The following TACR3 variants were observed in gnomAD, a reference collection of about 807,000 sequenced individuals.
TACR3 encodes the protein tachykinin receptor 3, also known as neuromedin-K receptor.
Under a neutral mutation model 35.0 loss-of-function variants are expected in TACR3, and 34 were observed. The ratio of observed to expected loss-of-function variants is 0.97; its 90% CI spans 0.74 to 1.30. The LOEUF (loss-of-function observed/expected upper bound fraction) is 1.30. TACR3 is among the 50% of genes most tolerant of loss of function. The probability of loss-of-function intolerance (pLI) is 0.00; values close to 1 mark genes in which losing one functional copy is unlikely to be tolerated. For synonymous variants in TACR3, 233 were observed against 221.1 expected (o/e 1.05, Z -0.48); for missense variants, 558 against 591.7 (o/e 0.94, Z 0.59).
At chr4:103,613,915 CAGAA>C (rs1560807002) in intron 3 of TACR3, among the ~76,000 whole-genome samples, 1 of 151,706 alleles carries the variant, frequency 6.6e-6, no homozygotes, top group Non-Finnish European at 1.5e-5. Flanking sequence ...GAGGCAGAGA[CAGAA>C]AGAGAATGAA....
At chr4:103,662,826 C>A (rs1356992962) in intron 1 of TACR3, among the ~76,000 whole-genome samples, 2 of 152,090 alleles carry the variant, frequency 1.3e-5, no homozygotes, top group African/African-American at 4.8e-5. Flanking sequence ...AGGAAAGAGT[C>A]CCCTACAGGT....
rs187096150 is a variant in TACR3, at chr4:103,677,187, A to T, written c.549-18784T>A. Among the ~76,000 whole-genome samples, 384 of 152,332 alleles carry T rather than the reference A, an allele frequency of 2.5e-3. 3 individuals are homozygous for T. The highest frequency in any genetic ancestry group is 8.9e-3 in the African/African-American group (368 of 41,580). ...CCGTCTCACACCAGTCAGAATGTCT[A>T]TTATTAAAAAGTCAAAAAGCAACAG... On this transcript the variant is annotated intron_variant, in intron 1 of 4. Coordinates refer to ENST00000304883, the MANE Select transcript of TACR3 (RefSeq NM_001059.3).
chr4:103,602,537 T>C (rs1724233974), intron 3 of TACR3, among the ~76,000 whole-genome samples: 1 of 152,120 alleles, frequency 6.6e-6, no homozygotes, highest in South Asian at 2.1e-4. Flanking sequence ...CTTTGATCTT[T>C]GATGATGGTG....
chr4:103,637,141 A>G (rs1725212545), intron 3 of TACR3, among the ~76,000 whole-genome samples: 1 of 152,172 alleles, frequency 6.6e-6, no homozygotes, highest in African/African-American at 2.4e-5. Context: ...ACCAAAAAAG[A>G]GAATTTTAGA....
At chr4:103,701,185 G>A (rs1164442936) in intron 1 of TACR3, among the ~76,000 whole-genome samples, 3 of 151,150 alleles carry the variant, frequency 2.0e-5, no homozygotes, top group African/African-American at 4.9e-5. Context: ...CAAGCTGATA[G>A]GCAACTTCAG....
At chr4:103,689,505 T>A (rs74285064) in intron 1 of TACR3, among the ~76,000 whole-genome samples, 23,086 of 151,976 alleles carry the variant, frequency 0.15, 2,280 homozygotes, top group East Asian at 0.43. Context: ...AAAGAATTAC[T>A]TGGAAATTCT....
chr4:103,595,293 G>T (rs1425232842), intron 3 of TACR3, among the ~76,000 whole-genome samples: 1 of 152,218 alleles, frequency 6.6e-6, no homozygotes, highest in Non-Finnish European at 1.5e-5. Flanking sequence ...GACAGAGAAG[G>T]TTCAAATCTC....
At chr4:103,694,545 T>A (rs144338901) in intron 1 of TACR3, among the ~76,000 whole-genome samples, 115 of 152,268 alleles carry the variant, frequency 7.6e-4, no homozygotes, top group African/African-American at 2.7e-3. Context: ...AATGGTTTCT[T>A]TAAGGCACTA....
chr4:103,709,679 G>A (rs1193498632), intron 1 of TACR3, among the ~76,000 whole-genome samples: 1 of 152,032 alleles, frequency 6.6e-6, no homozygotes, highest in South Asian at 2.1e-4. Context: ...ATGTAAATAG[G>A]CTAAATGCTC....
intron 1 of TACR3, among the ~76,000 whole-genome samples, chr4:103,691,882 A>G (rs1722411124): frequency 6.6e-6 from 1 of 152,192 alleles, no homozygotes; most frequent in South Asian, 2.1e-4. Flanking sequence ...GACAGTTTTA[A>G]TTAATTGAAT....
At chr4:103,597,356 T>C (rs1202780714) in intron 3 of TACR3, among the ~76,000 whole-genome samples, 3 of 152,158 alleles carry the variant, frequency 2.0e-5, no homozygotes, top group African/African-American at 7.2e-5. Flanking sequence ...TGGTACAAGA[T>C]TGATTCTTTC....
chr4:103,617,246 A>AAGTT (rs146915025), intron 3 of TACR3, among the ~76,000 whole-genome samples: 40,809 of 151,862 alleles, frequency 0.27, 5,883 homozygotes, highest in Non-Finnish European at 0.3. Flanking sequence ...TCTACAGAAA[A>AAGTT]AGTTAGTTAT....
Position 103,719,828 on chromosome 4 carries a change from AG to A in TACR3, c.-154del. On this transcript the variant is annotated 5_prime_UTR_variant, in exon 1 of 5. Coordinates refer to ENST00000304883, the MANE Select transcript of TACR3 (RefSeq NM_001059.3). ...AAAGATACTGCAATCCCTGCTGGTT[AG>A]GGGATGCAGCTGGGGCTAAGGGGCA... 2.0e-6 allele frequency: 2 copies of A among 1,017,922 alleles called. No homozygotes were observed. The allele number at this position is 1,017,922 out of a possible 1,614,324, so 63.1% of individuals were successfully genotyped here.
At chr4:103,683,912 G>A (rs778977729) in intron 1 of TACR3, among the ~76,000 whole-genome samples, 1 of 151,744 alleles carries the variant, frequency 6.6e-6, no homozygotes, top group Non-Finnish European at 1.5e-5. Flanking sequence ...TCCAAAAATG[G>A]TATTTGTTTA....
At chr4:103,699,682 G>A (rs1722602274) in intron 1 of TACR3, among the ~76,000 whole-genome samples, 1 of 152,158 alleles carries the variant, frequency 6.6e-6, no homozygotes, top group Non-Finnish European at 1.5e-5. Context: ...CATATAATTT[G>A]AAAGTAGACA....
chr4:103,637,133 C>A (rs1276243412), intron 3 of TACR3, among the ~76,000 whole-genome samples: 1 of 151,782 alleles, frequency 6.6e-6, no homozygotes, highest in Non-Finnish European at 1.5e-5. Flanking sequence ...GAGACACAAC[C>A]AAAAAAGAGA....
intron 3 of TACR3, among the ~76,000 whole-genome samples, chr4:103,629,541 T>C (rs920011119): frequency 2.6e-5 from 4 of 152,176 alleles, no homozygotes; most frequent in South Asian, 2.1e-4. Context: ...CCATTCACAA[T>C]TGCTACAAAG....
chr4:103,601,420 C>T (rs1253589690), intron 3 of TACR3, among the ~76,000 whole-genome samples: 1 of 152,064 alleles, frequency 6.6e-6, no homozygotes, highest in Admixed American at 6.6e-5. Flanking sequence ...GAATTTGATC[C>T]TGTCATTATG....
intron 3 of TACR3, among the ~76,000 whole-genome samples, chr4:103,616,672 C>T (rs186197809): frequency 3.9e-5 from 6 of 152,250 alleles, no homozygotes; most frequent in East Asian, 1.9e-4. Context: ...CTCAGCCAGG[C>T]GCAGTGGCTC....
Sources: gnomAD v4.1 joint callset for allele counts (sites outside exome capture counted in the v4.1 genomes callset) on GRCh38, gnomAD v4.1.1 for gene constraint, MANE v1.5 for transcripts, NCBI Gene and HGNC (gene_info 2026-07-23, HGNC 2026-07-21) for gene names.